RDX: variants seen among roughly 807,000 people sequenced by gnomAD.
The protein encoded by RDX is radixin, also known as deafness, autosomal recessive 24.
In RDX, 32 loss-of-function variants were observed where a neutral mutation model predicts 83.7. The ratio of observed to expected loss-of-function variants is 0.38; its 90% CI spans 0.29 to 0.51. The LOEUF (loss-of-function observed/expected upper bound fraction) is 0.51, where lower values mean the gene tolerates loss of function less well. Among genes scored for constraint, RDX ranks in the 20% least tolerant of loss-of-function variants. The pLI is 0.87. For synonymous variants in RDX, 229 were observed against 222.7 expected, an observed-to-expected ratio of 1.03 and a Z score of -0.25; for missense variants, 600 against 689.9, an observed-to-expected ratio of 0.87 and a Z score of 1.46.
At chr11:110,236,307 TA>T in intron 11 of RDX, 116 bp from the exon 12 acceptor site, 1 of 747,076 alleles carries the variant, frequency 1.3e-6, no homozygotes, top group Non-Finnish European at 2.2e-6. Context: ...GCCTTCCATT[TA>T]AAAAAATACA....
Position 110,247,454 on chromosome 11 carries a change from T to G in RDX, c.1090+249A>C, listed in dbSNP as rs11606391. On this transcript the variant is annotated intron_variant, in intron 10 of 13. Coordinates refer to ENST00000645495, the MANE Select transcript of RDX (RefSeq NM_002906.4). ...TTTAAGAATACATATGAAAAATATT[T>G]GCATGTTTAAAACAAAAAACTAAAA... Among the ~76,000 whole-genome samples the G allele has an allele frequency of 0.021, 3,260 of 152,264 alleles. 47 individuals are homozygous for G. Among genetic ancestry groups the G allele is most frequent in the Non-Finnish European group, 0.035 (2,387 of 67,998 alleles).
intron 3 of RDX, among the ~76,000 whole-genome samples, chr11:110,265,389 G>GC (rs1859994288): frequency 6.6e-6 from 1 of 151,718 alleles, no homozygotes; most frequent in African/African-American, 2.4e-5. Flanking sequence ...ACTGCACCTG[G>GC]CCTCTAATCC....
At chr11:110,225,713 G>A (rs1021535218), downstream of RDX, among the ~76,000 whole-genome samples, 3 of 152,106 alleles carry the variant, frequency 2.0e-5, no homozygotes, top group African/African-American at 4.8e-5. Context: ...ATATAAAATG[G>A]TGCTGCTGCT....
At chr11:110,273,489 C>A (rs1860384483) in intron 2 of RDX, among the ~76,000 whole-genome samples, 1 of 152,238 alleles carries the variant, frequency 6.6e-6, no homozygotes, top group Non-Finnish European at 1.5e-5. Flanking sequence ...TCATGGCACA[C>A]TGCAACCTTG....
intron 3 of RDX, among the ~76,000 whole-genome samples, chr11:110,270,665 C>T (rs35781154): frequency 6.6e-6 from 1 of 152,184 alleles, no homozygotes; most frequent in Non-Finnish European, 1.5e-5. Flanking sequence ...AGTCAAACAG[C>T]TGCAACTACA....
chr11:110,244,446 AACAAAAGAAGCCAGTC>A (rs2134331781), intron 10 of RDX, among the ~76,000 whole-genome samples: 1 of 151,424 alleles, frequency 6.6e-6, no homozygotes, highest in African/African-American at 2.4e-5. Flanking sequence ...TATTATGTTA[AACAAAAGAAGCCAGTC>A]ACAAAAGACC....
chr11:110,227,869 G>A (rs914417228), downstream of RDX, among the ~76,000 whole-genome samples: 3 of 152,098 alleles, frequency 2.0e-5, no homozygotes, highest in African/African-American at 4.8e-5. Context: ...GATCTTTCAT[G>A]TAAAAATTGT....
At chr11:110,177,342 T>C (rs556054266) in intron 15 of RDX, among the ~76,000 whole-genome samples, 52 of 152,326 alleles carry the variant, frequency 3.4e-4, no homozygotes, top group African/African-American at 1.2e-3. Context: ...GAGCAGGTCC[T>C]TAATCTTGAA....
chr11:110,231,702 C>T lies in RDX; in HGVS notation c.*167G>A, dbSNP rs1864642773. The T allele has an allele frequency of 1.2e-5, 9 of 734,242 alleles. No homozygotes were observed. Among genetic ancestry groups the T allele is most frequent in the South Asian group, 7.6e-5 (5 of 66,042 alleles). The allele number at this position is 734,242 out of a possible 1,614,324, so 45.5% of individuals were successfully genotyped here. A position where few individuals can be genotyped will look rare whatever the true frequency, so the allele number is the denominator to read the frequency against. ...AAAGAAAACCAAGCATGATATCATA[C>T]TGCCTTAATGTTGAAGAGCTCCCCT... On this transcript the variant is annotated 3_prime_UTR_variant, in exon 14 of 14. Transcript: ENST00000645495.
chr11:110,265,075 CT>C (rs59010580), intron 3 of RDX, among the ~76,000 whole-genome samples: 5,040 of 110,270 alleles, frequency 0.046, 226 homozygotes, highest in African/African-American at 0.15. Context: ...CTCAATTTTT[CT>C]TTTTTTTTTT....
chr11:110,205,431 CAAAAAAA>C (rs35103862), intron 14 of RDX, among the ~76,000 whole-genome samples: 1 of 47,068 alleles, frequency 2.1e-5, no homozygotes, highest in Admixed American at 2.3e-4. Context: ...TTTACCTATC[CAAAAAAA>C]AAAAAAAAAA....
At chr11:110,251,701 C>T (rs7932174) in intron 9 of RDX, among the ~76,000 whole-genome samples, 42,578 of 151,910 alleles carry the variant, frequency 0.28, 6,481 homozygotes, top group Middle Eastern at 0.36. Context: ...TTTAGCCATA[C>T]AAAAACGTGC....
At chr11:110,282,902 A>G (rs1323408487) in intron 1 of RDX, among the ~76,000 whole-genome samples, 1 of 152,220 alleles carries the variant, frequency 6.6e-6, no homozygotes, top group African/African-American at 2.4e-5. Context: ...ACTTGAGCCC[A>G]GAAGTTTGAG....
Position 110,277,928 on chromosome 11 carries a change from A to T in RDX, c.12+1753T>A, listed in dbSNP as rs369144245. 1.3e-5 allele frequency among the ~76,000 whole-genome samples: 2 copies of T among 152,296 alleles called. 1 individual carries two copies. The highest frequency in any genetic ancestry group is 4.8e-5 in the African/African-American group (2 of 41,570). On this transcript the variant is annotated intron_variant, in intron 2 of 13. Coordinates refer to ENST00000645495, the MANE Select transcript of RDX (RefSeq NM_002906.4). The stretch of plus-strand genomic sequence containing the variant: ...TTTCTTCTAGATGTTTTACAGTTTG[A>T]GCTTTTGCATGTAGGTCTATAATCC...
In RDX at chr11:110,238,278, T is replaced by C. The variant is rs182490397; in HGVS notation, c.1091-626A>G. On this transcript the variant is annotated intron_variant, in intron 10 of 13. Transcript: ENST00000645495. ...TCCTAAAGCATGAAGATAAGCAATA[T>C]TGGGAGATAAATAACATGAATTTTA... Among the ~76,000 whole-genome samples the C allele has an allele frequency of 2.4e-3, 366 of 152,344 alleles. 2 individuals are homozygous for C. The highest frequency in any genetic ancestry group is 4.4e-3 in the Admixed American group (68 of 15,294).
rs772357302 is a variant in RDX, at chr11:110,233,365, C to T, written c.1459G>A (p.Asp487Asn). 14 of 1,614,000 alleles carry T rather than the reference C, an allele frequency of 8.7e-6. No individual in the cohort carries two copies. The highest frequency in any genetic ancestry group is 1.3e-5 in the African/African-American group (1 of 74,884). ...TCAGCATTATTCTCATCGTGTTCAT[C>T]ATGTTCGTTTTCTGTTGGAGGAATG... Reference protein sequence around the residue: ...PVIPPTENEHDEHDENNAEAS... With the variant: ...PVIPPTENEHNEHDENNAEAS... Residue 487 changes from aspartate to asparagine, a missense_variant, in exon 13 of 14, where the codon GAT (aspartate) becomes AAT (asparagine). Physicochemically the swap from Asp to Asn is conservative, Grantham distance 23 (BLOSUM62 1). Coordinates refer to ENST00000645495, the MANE Select transcript of RDX (RefSeq NM_002906.4).
chr11:110,267,076 A>C (rs11213333), intron 3 of RDX, among the ~76,000 whole-genome samples: 56,986 of 151,510 alleles, frequency 0.38, 10,888 homozygotes, highest in East Asian at 0.54. Flanking sequence ...CTAATTTTTT[A>C]TATTTTTAGT....
At chr11:110,273,158 A>T in intron 2 of RDX, 1 of 450,736 alleles carries the variant, frequency 2.2e-6, no homozygotes, top group Non-Finnish European at 4.4e-6. Context: ...GGCTGCCGTG[A>T]GCTATGATTG....
chr11:110,281,494 T>C (rs1243136874), intron 1 of RDX, among the ~76,000 whole-genome samples: 1 of 152,186 alleles, frequency 6.6e-6, no homozygotes, highest in African/African-American at 2.4e-5. Context: ...ACCCAGCTAA[T>C]ATTTGTATTT....
Sources: allele counts gnomAD v4.1 joint callset (sites outside exome capture counted in the v4.1 genomes callset), GRCh38; gene constraint gnomAD v4.1.1; transcripts MANE v1.5; gene names NCBI Gene and HGNC (gene_info 2026-07-23, HGNC 2026-07-21).